LHFPL6: variants seen among roughly 807,000 people sequenced by gnomAD.
LHFPL6 encodes the protein LHFPL tetraspan subfamily member 6.
Under a neutral mutation model 20.6 loss-of-function variants are expected in LHFPL6, and 9 were observed. The ratio of observed to expected loss-of-function variants is 0.44; its 90% CI spans 0.26 to 0.76. The LOEUF is 0.76. LHFPL6 is among the 30% of genes least tolerant of loss of function. The probability of loss-of-function intolerance (pLI) is 0.20; values close to 1 mark genes in which losing one functional copy is unlikely to be tolerated. For synonymous variants in LHFPL6, 105 were observed against 98.7 expected (o/e 1.06, Z -0.38); for missense variants, 218 against 253.5 (o/e 0.86, Z 0.95).
At position 39,418,575 on chromosome 13, in the gene LHFPL6, G is replaced by C. The variant is rs140399174; in HGVS notation, c.386-40049C>G. Among the ~76,000 whole-genome samples, 92 of 152,224 alleles carry C rather than the reference G, an allele frequency of 6.0e-4. 2 individuals are homozygous for C. The East Asian group carries it at 0.017, about 29-fold the overall frequency. ...TATTAAAAGTAGGGTGGAAGAGAAT[G>C]TCAGCTTGAATGTGTGCAGCCCCTA... On this transcript the variant is annotated intron_variant, in intron 2 of 3. Transcript: ENST00000379589.
intron 2 of LHFPL6, among the ~76,000 whole-genome samples, chr13:39,525,253 A>G (rs1870251648): frequency 6.6e-6 from 1 of 152,084 alleles, no homozygotes. Flanking sequence ...GACTCTAATC[A>G]TGGGTTTTGT....
At chr13:39,348,737 C>G (rs1869478235) in intron 3 of LHFPL6, among the ~76,000 whole-genome samples, 1 of 152,168 alleles carries the variant, frequency 6.6e-6, no homozygotes, top group South Asian at 2.1e-4. Flanking sequence ...CCCCACCCGC[C>G]TACCCAAGCC....
At chr13:39,366,473 C>T (rs1306862220) in intron 3 of LHFPL6, among the ~76,000 whole-genome samples, 1 of 152,156 alleles carries the variant, frequency 6.6e-6, no homozygotes, top group African/African-American at 2.4e-5. Context: ...GGAATATGCA[C>T]TCGAGTTGTG....
intron 2 of LHFPL6, among the ~76,000 whole-genome samples, chr13:39,403,407 G>T (rs1593299479): frequency 6.6e-6 from 1 of 152,236 alleles, no homozygotes; most frequent in South Asian, 2.1e-4. Context: ...CTCTGAGATG[G>T]CCATTACTCT....
chr13:39,597,382 T>C (rs1046746439), intron 2 of LHFPL6, among the ~76,000 whole-genome samples: 4 of 152,202 alleles, frequency 2.6e-5, no homozygotes, highest in African/African-American at 9.7e-5. Flanking sequence ...ATCTTACTAA[T>C]ACGTGCACCA....
At chr13:39,416,863 ATCT>A (rs79913408) in intron 2 of LHFPL6, among the ~76,000 whole-genome samples, 13,835 of 152,230 alleles carry the variant, frequency 0.091, 694 homozygotes, top group Middle Eastern at 0.14. Flanking sequence ...ACCTATTTTT[ATCT>A]TCTTGTCTAC....
chr13:39,432,108 C>G lies in LHFPL6; in HGVS notation c.386-53582G>C, dbSNP rs79618750. ...TGTCCCTTGCACCACGTGAGGACAT[C>G]TAGATGAATGAGTCTGTACCAGACA... On this transcript the variant is annotated intron_variant, in intron 2 of 3. Coordinates refer to ENST00000379589, the MANE Select transcript of LHFPL6 (RefSeq NM_005780.3). Among the ~76,000 whole-genome samples the G allele has an allele frequency of 3.2e-4, 49 of 152,286 alleles. No homozygotes were observed. The Middle Eastern group carries it at 0.014, about 42-fold the overall frequency.
intron 2 of LHFPL6, among the ~76,000 whole-genome samples, chr13:39,591,370 A>T (rs906614504): frequency 1.3e-5 from 2 of 152,158 alleles, no homozygotes; most frequent in African/African-American, 4.8e-5. Flanking sequence ...TATAGCATGG[A>T]AAATATTTCA....
rs971252081 is a variant in LHFPL6, at chr13:39,352,896, T to C, written c.485-8842A>G. On this transcript the variant is annotated intron_variant, in intron 3 of 3. Coordinates refer to ENST00000379589, the MANE Select transcript of LHFPL6 (RefSeq NM_005780.3). The stretch of plus-strand genomic sequence containing the variant: ...ATATATATAAATGTATATATATGTG[T>C]ATATATATATAAATGTATATATATA... Among the ~76,000 whole-genome samples, 85 of 31,726 alleles carry C rather than the reference T, an allele frequency of 2.7e-3. 4 individuals carry two copies. Among genetic ancestry groups the C allele is most frequent in the Middle Eastern group, 0.013 (1 of 80 alleles). The allele number at this position is 31,726 out of a possible 152,430, so 20.8% of individuals were successfully genotyped here.
chr13:39,486,001 G>C (rs376965887), intron 2 of LHFPL6, among the ~76,000 whole-genome samples: 11 of 152,088 alleles, frequency 7.2e-5, no homozygotes, highest in East Asian at 3.9e-4. Flanking sequence ...TACTGAGAAG[G>C]AATCCAAGGC....
chr13:39,347,321 G>A (rs1869431812), intron 3 of LHFPL6, among the ~76,000 whole-genome samples: 1 of 152,170 alleles, frequency 6.6e-6, no homozygotes, highest in African/African-American at 2.4e-5. Flanking sequence ...TCGTGGAAAT[G>A]CCAGGCCTCT....
chr13:39,541,044 T>C (rs1198974980), intron 2 of LHFPL6, among the ~76,000 whole-genome samples: 1 of 152,208 alleles, frequency 6.6e-6, no homozygotes, highest in African/African-American at 2.4e-5. Context: ...ACAAGAGAAG[T>C]AAGCCTGACA....
chr13:39,360,770 A>C (rs571634888), intron 3 of LHFPL6, among the ~76,000 whole-genome samples: 10,229 of 93,948 alleles, frequency 0.11, 3,610 homozygotes, highest in Non-Finnish European at 0.13. Context: ...AAAAAAAAAA[A>C]ACCTTTCTGA....
chr13:39,592,980 T>G (rs1215825917), intron 2 of LHFPL6, among the ~76,000 whole-genome samples: 1 of 152,136 alleles, frequency 6.6e-6, no homozygotes, highest in African/African-American at 2.4e-5. Flanking sequence ...CTCAAAATAA[T>G]AAGAGCTATC....
At chr13:39,410,642 A>G (rs975428193) in intron 2 of LHFPL6, among the ~76,000 whole-genome samples, 3 of 152,194 alleles carry the variant, frequency 2.0e-5, no homozygotes, top group Non-Finnish European at 4.4e-5. Flanking sequence ...AACATTCACA[A>G]CAGATATTTC....
chr13:39,435,050 G>A (rs1299057879), intron 2 of LHFPL6, among the ~76,000 whole-genome samples: 8 of 108,486 alleles, frequency 7.4e-5, no homozygotes, highest in Admixed American at 5.7e-4. Context: ...GCGACAGAGC[G>A]AGACTCCGTC....
chr13:39,541,162 T>A (rs1445574303), intron 2 of LHFPL6, among the ~76,000 whole-genome samples: 1 of 152,196 alleles, frequency 6.6e-6, no homozygotes, highest in Non-Finnish European at 1.5e-5. Flanking sequence ...AGCCCAGTAT[T>A]GCTCCTGAAA....
intron 2 of LHFPL6, among the ~76,000 whole-genome samples, chr13:39,520,877 T>C (rs1365385006): frequency 6.6e-6 from 1 of 152,050 alleles, no homozygotes; most frequent in Non-Finnish European, 1.5e-5. Context: ...GGTCTGGACG[T>C]TGGTATTTTT....
At chr13:39,423,337 C>A (rs1408179) in intron 2 of LHFPL6, among the ~76,000 whole-genome samples, 7 of 152,110 alleles carry the variant, frequency 4.6e-5, no homozygotes, top group African/African-American at 1.7e-4. Context: ...TGCAATAAAT[C>A]TAAAGGATCT....
Sources: allele counts gnomAD v4.1 joint callset (sites outside exome capture counted in the v4.1 genomes callset), GRCh38; gene constraint gnomAD v4.1.1; transcripts MANE v1.5; gene names NCBI Gene and HGNC (gene_info 2026-07-23, HGNC 2026-07-21).